Variants in MED27 observed in about 807,000 individuals in gnomAD.
The protein encoded by MED27 is mediator complex subunit 27.
Under a neutral mutation model 38.2 loss-of-function variants are expected in MED27, and 30 were observed. The observed-to-expected ratio is 0.79, with a 90% CI of 0.59 to 1.07. MED27 has a LOEUF of 1.07. MED27 is among the 50% of genes least tolerant of loss of function. MED27 has a pLI of 0.00. For missense variants in MED27, 289 were observed against 397.5 expected (o/e 0.73, Z 2.32); for synonymous variants, 122 against 153.5 (o/e 0.79, Z 1.52).
intron 3 of MED27, among the ~76,000 whole-genome samples, chr9:131,969,261 G>C (rs1330230279): frequency 6.6e-6 from 1 of 151,098 alleles, no homozygotes; most frequent in East Asian, 2.0e-4. Flanking sequence ...TGCTGATCTA[G>C]AGATTGTTTA....
chr9:131,935,475 AAGAG>A (rs1830665327), intron 4 of MED27, among the ~76,000 whole-genome samples: 1 of 152,226 alleles, frequency 6.6e-6, no homozygotes, highest in South Asian at 2.1e-4. Flanking sequence ...ATGCCTTGGC[AAGAG>A]AAAGAATAAA....
Position 131,884,092 on chromosome 9 carries a change from A to G in MED27, c.689T>C (p.Ile230Thr), listed in dbSNP as rs762497685. The change falls in exon 6 of 8, where the codon ATA becomes ACA. Residue 230 changes from isoleucine (I) to threonine (T), a missense_variant. Transcript: ENST00000292035. ...NVYTEDGKLD[I>T]WSKSNYQVFQ... Reference sequence around the variant, plus strand: ...TACTTGATAGTTGGATTTGGACCATATATCAAGCTGAGGGGAAAGGAGAGA... The same window carrying G: ...TACTTGATAGTTGGATTTGGACCATGTATCAAGCTGAGGGGAAAGGAGAGA... 4 of 1,609,680 alleles carry G rather than the reference A, an allele frequency of 2.5e-6. No homozygotes were observed. Among genetic ancestry groups the G allele is most frequent in the East Asian group, 2.2e-5 (1 of 44,774 alleles).
At chr9:131,999,663 TAAC>T in intron 3 of MED27, among the ~76,000 whole-genome samples, 1 of 152,240 alleles carries the variant, frequency 6.6e-6, no homozygotes, top group East Asian at 1.9e-4. Context: ...GCCAATAAAA[TAAC>T]AATTACAGAT....
chr9:131,975,015 A>C (rs1235667053), intron 3 of MED27, among the ~76,000 whole-genome samples: 1 of 152,192 alleles, frequency 6.6e-6, no homozygotes. Context: ...GCTCAGTTCT[A>C]AGTTTAACTC....
At chr9:131,933,213 A>C (rs1830621777) in intron 4 of MED27, among the ~76,000 whole-genome samples, 1 of 152,156 alleles carries the variant, frequency 6.6e-6, no homozygotes, top group African/African-American at 2.4e-5. Context: ...GAACATGACA[A>C]GGATGCCCAC....
rs551385739 is a variant in MED27 at position 131,914,857 on chromosome 9, T to A, written c.574-20865A>T. On this transcript the variant is annotated intron_variant, in intron 4 of 7. Coordinates refer to ENST00000292035, the MANE Select transcript of MED27 (RefSeq NM_004269.4). ...GGGAAAGGTGAGTGAATTCTGGATATGCTTCTCAGGAAGAACCCATGGAAT... is the reference window on the plus strand; with the variant it reads ...GGGAAAGGTGAGTGAATTCTGGATAAGCTTCTCAGGAAGAACCCATGGAAT... 7.9e-5 allele frequency among the ~76,000 whole-genome samples: 12 copies of A among 152,298 alleles called. No individual in the cohort carries two copies. In the East Asian group the frequency reaches 2.3e-3, roughly 29 times the overall value.
intron 2 of MED27, among the ~76,000 whole-genome samples, chr9:132,043,302 T>A (rs1833261001): frequency 7.5e-6 from 1 of 134,104 alleles, no homozygotes; most frequent in Admixed American, 7.1e-5. Context: ...AAGGCTTCTA[T>A]TTTTTTTTTT....
chr9:131,986,433 T>C (rs533322915), intron 3 of MED27, among the ~76,000 whole-genome samples: 172 of 152,332 alleles, frequency 1.1e-3, no homozygotes, highest in Middle Eastern at 6.8e-3. Flanking sequence ...TCTTCCCACC[T>C]CAGCCTCCCA....
At chr9:131,871,700 C>A (rs537406171) in intron 6 of MED27, among the ~76,000 whole-genome samples, 2 of 152,126 alleles carry the variant, frequency 1.3e-5, no homozygotes, top group Non-Finnish European at 2.9e-5. Flanking sequence ...CAGACACACA[C>A]CCCCACGCCT....
chr9:132,042,422 G>A (rs1833237990), intron 2 of MED27, among the ~76,000 whole-genome samples: 1 of 152,134 alleles, frequency 6.6e-6, no homozygotes, highest in African/African-American at 2.4e-5. Context: ...CTTGCTGCAG[G>A]TCACAAGGCA....
chr9:132,039,664 G>A (rs771429800), intron 2 of MED27, among the ~76,000 whole-genome samples: 1 of 147,564 alleles, frequency 6.8e-6, no homozygotes, highest in Non-Finnish European at 1.5e-5. Context: ...TCAAAGGAGA[G>A]TGAGTGAACA....
chr9:131,960,112 C>A (rs1831183774), intron 3 of MED27, among the ~76,000 whole-genome samples: 2 of 152,150 alleles, frequency 1.3e-5, no homozygotes, highest in African/African-American at 4.8e-5. Flanking sequence ...GGGCACATAC[C>A]TCATCTGTCT....
At chr9:132,012,469 C>G (rs1389231048) in intron 3 of MED27, among the ~76,000 whole-genome samples, 1 of 152,184 alleles carries the variant, frequency 6.6e-6, no homozygotes, top group Non-Finnish European at 1.5e-5. Context: ...TACATTCCTC[C>G]TATCCTGGAA....
intron 2 of MED27, among the ~76,000 whole-genome samples, chr9:132,057,592 A>G (rs1364994109): frequency 6.6e-6 from 1 of 152,190 alleles, no homozygotes; most frequent in African/African-American, 2.4e-5. Context: ...GACCTCCTTA[A>G]ACTTCATTTG....
At chr9:132,029,642 T>C (rs1832906436) in intron 2 of MED27, among the ~76,000 whole-genome samples, 1 of 152,074 alleles carries the variant, frequency 6.6e-6, no homozygotes, top group Non-Finnish European at 1.5e-5. Context: ...TGATATTTAA[T>C]AAGAAGGGCC....
chr9:131,884,120 G>A (rs1215328492), intron 5 of MED27, 21 bp from the exon 6 acceptor site: 3 of 1,592,366 alleles, frequency 1.9e-6, no homozygotes, highest in Non-Finnish European at 1.7e-6. Flanking sequence ...AGGAGAGAAG[G>A]ATCATCAGCA....
intron 3 of MED27, among the ~76,000 whole-genome samples, chr9:131,973,457 C>CTTTTTTTTTTTTTTTTTTTTTTTTTT (rs747946439): frequency 3.3e-5 from 4 of 122,168 alleles, no homozygotes; most frequent in Admixed American, 8.9e-5. Context: ...TTTTTCTTTT[C>CTTTTTTTTTTTTTTTTTTTTTTTTTT]TTTTTTTTTT....
intron 4 of MED27, among the ~76,000 whole-genome samples, chr9:131,929,610 T>C (rs1830543895): frequency 6.6e-6 from 1 of 152,126 alleles, no homozygotes; most frequent in South Asian, 2.1e-4. Context: ...TCAGTGAACA[T>C]TGGCAGTGGC....
intron 2 of MED27, among the ~76,000 whole-genome samples, chr9:132,019,648 C>A (rs1262242646): frequency 6.6e-6 from 1 of 152,232 alleles, no homozygotes; most frequent in African/African-American, 2.4e-5. Flanking sequence ...AGAGGAGATG[C>A]CAGCCTTAAA....
Sources: allele counts gnomAD v4.1 joint callset (sites outside exome capture counted in the v4.1 genomes callset), GRCh38; gene constraint gnomAD v4.1.1; transcripts MANE v1.5; gene names NCBI Gene and HGNC (gene_info 2026-07-23, HGNC 2026-07-21).